The following ARAP2 variants were observed in gnomAD, a reference collection of about 807,000 sequenced individuals.
The protein encoded by ARAP2 is arf-GAP with Rho-GAP domain, ANK repeat and PH domain-containing protein 2.
In ARAP2, 148 loss-of-function variants were observed where a neutral mutation model predicts 194.5. The ratio of observed to expected loss-of-function variants is 0.76; its 90% confidence interval spans 0.67 to 0.87. The LOEUF (loss-of-function observed/expected upper bound fraction) is 0.87. Ranked by LOEUF, ARAP2 falls within the 40% of genes least tolerant of loss-of-function variation. The probability of loss-of-function intolerance (pLI) is 0.00; values close to 1 mark genes in which losing one functional copy is unlikely to be tolerated. For synonymous variants in ARAP2, 695 were observed against 683.5 expected (o/e 1.02, Z -0.26); for missense variants, 2,128 against 1,989.7 (o/e 1.07, Z -1.32).
chr4:36,114,675 C>T (rs1437909419), intron 25 of ARAP2, among the ~76,000 whole-genome samples: 1 of 151,898 alleles, frequency 6.6e-6, no homozygotes, highest in African/African-American at 2.4e-5. Context: ...GTTTATTCAG[C>T]CTAGATTCTA....
intron 28 of ARAP2, among the ~76,000 whole-genome samples, chr4:36,089,145 C>T (rs75480986): frequency 0.071 from 10,770 of 152,086 alleles, 451 homozygotes; most frequent in East Asian, 0.12. Context: ...ACTCTGTCCC[C>T]AACCTAAGCA....
At chr4:36,060,568 C>T (rs1410404121) in intron 1 of ARAP2, among the ~76,000 whole-genome samples, 1 of 152,048 alleles carries the variant, frequency 6.6e-6, no homozygotes, top group African/African-American at 2.4e-5. Context: ...CATCATATAT[C>T]AATATTAACA....
intron 5 of ARAP2, among the ~76,000 whole-genome samples, chr4:36,043,808 GGGAAGGGAAGGGA>G (rs2109232649): frequency 3.9e-5 from 1 of 25,828 alleles, no homozygotes; most frequent in East Asian, 1.5e-3. Flanking sequence ...GGGAAGGGAA[GGGAAGGGAAGGGA>G]AGGGAAGGGG....
chr4:36,123,424 C>T (rs1467076147), intron 22 of ARAP2, among the ~76,000 whole-genome samples: 1 of 151,766 alleles, frequency 6.6e-6, no homozygotes, highest in Non-Finnish European at 1.5e-5. Context: ...CTTGGGACTT[C>T]CTTCTGCAGT....
intron 2 of ARAP2, among the ~76,000 whole-genome samples, chr4:36,221,047 C>G (rs1215760175): frequency 6.6e-6 from 1 of 152,028 alleles, no homozygotes; most frequent in African/African-American, 2.4e-5. Flanking sequence ...TATATTTACA[C>G]CATATTTTTA....
At chr4:36,012,343 C>T (rs1714721995) in intron 9 of ARAP2, among the ~76,000 whole-genome samples, 1 of 152,134 alleles carries the variant, frequency 6.6e-6, no homozygotes, top group South Asian at 2.1e-4. Flanking sequence ...CCTTGATTAA[C>T]ATGTTTTCTT....
intron 2 of ARAP2, among the ~76,000 whole-genome samples, chr4:36,219,696 A>G (rs1748738733): frequency 6.6e-6 from 1 of 152,190 alleles, no homozygotes; most frequent in East Asian, 1.9e-4. Flanking sequence ...ATGTATATAT[A>G]TGTATACACA....
chr4:36,126,225 A>G (rs925262501), intron 21 of ARAP2, among the ~76,000 whole-genome samples: 3 of 151,992 alleles, frequency 2.0e-5, no homozygotes, highest in African/African-American at 2.4e-5. Context: ...TAATGCAAAC[A>G]TTTATCCTCG....
chr4:36,240,599 C>A (rs150084166), intron 1 of ARAP2, among the ~76,000 whole-genome samples: 1 of 152,072 alleles, frequency 6.6e-6, no homozygotes, highest in Non-Finnish European at 1.5e-5. Flanking sequence ...GCCTACCTCA[C>A]GGGGATATTT....
chr4:36,175,279 T>C (rs752865601), intron 9 of ARAP2, among the ~76,000 whole-genome samples: 30 of 152,204 alleles, frequency 2.0e-4, no homozygotes, highest in Admixed American at 3.9e-4. Context: ...CTTACTATTG[T>C]TTAGTGCTTT....
At chr4:36,235,930 G>A (rs187760715) in intron 1 of ARAP2, among the ~76,000 whole-genome samples, 75 of 152,136 alleles carry the variant, frequency 4.9e-4, no homozygotes, top group African/African-American at 1.7e-3. Flanking sequence ...TAATTGCAGC[G>A]CTTTGGGAGG....
intron 7 of ARAP2, among the ~76,000 whole-genome samples, chr4:36,189,695 T>C (rs1241761510): frequency 6.6e-6 from 1 of 152,220 alleles, no homozygotes; most frequent in Non-Finnish European, 1.5e-5. Flanking sequence ...TTTCACTTAA[T>C]ATAATGTCCT....
rs190649143 is a variant in ARAP2 at position 36,199,969 on chromosome 4, T to A, written c.1488-6322A>T. Among the ~76,000 whole-genome samples the A allele has an allele frequency of 1.1e-4, 16 of 152,256 alleles. No individual in the cohort carries two copies. In the East Asian group the frequency reaches 2.9e-3, roughly 28 times the overall value. On this transcript the variant is annotated intron_variant, in intron 6 of 32. Transcript: ENST00000303965. Reference sequence around the variant, plus strand: ...CTTAAACACATATAATCTTTGAAAATCACATCTCAATAAAGCTGGAAACAA... The same window carrying A: ...CTTAAACACATATAATCTTTGAAAAACACATCTCAATAAAGCTGGAAACAA...
chr4:36,210,687 A>G lies in ARAP2; in HGVS notation c.1190T>C (p.Ile397Thr). The change falls in exon 6 of 33, where the codon ATA becomes ACA. Residue 397 changes from isoleucine (I) to threonine (T), a missense_variant. Ile to Thr is a moderately conservative substitution (Grantham distance 89). Transcript: ENST00000303965. Reference sequence around the variant, plus strand: ...AAAATTGTTTTTGTCCTCTCGAGGTATCCAAATATCTTCCACCTTGTCCTC... The same window carrying G: ...AAAATTGTTTTTGTCCTCTCGAGGTGTCCAAATATCTTCCACCTTGTCCTC... ...ISEDKVEDIW[I>T]PREDKNNFLI... The G allele has an allele frequency of 6.2e-7, 1 of 1,612,490 alleles. No individual in the cohort carries two copies. The highest frequency in any genetic ancestry group is 2.2e-5 in the East Asian group (1 of 44,872).
chr4:36,186,924 A>G (rs980756095), intron 8 of ARAP2, among the ~76,000 whole-genome samples: 7 of 152,242 alleles, frequency 4.6e-5, no homozygotes, highest in Non-Finnish European at 1.0e-4. Context: ...CAATGTAATA[A>G]TAACAGAACT....
intron 32 of ARAP2, among the ~76,000 whole-genome samples, chr4:36,073,406 A>AT (rs1381883655): frequency 6.6e-6 from 1 of 152,134 alleles, no homozygotes; most frequent in African/African-American, 2.4e-5. Context: ...TGAAGTTGTG[A>AT]TTTTACCACC....
chr4:36,217,247 C>T (rs1371061694), intron 2 of ARAP2, among the ~76,000 whole-genome samples: 1 of 152,200 alleles, frequency 6.6e-6, no homozygotes. Context: ...CATGGTGGCT[C>T]ACACCTGTAA....
chr4:36,243,868 T>G (rs993253138), intron 1 of ARAP2: 5 of 152,220 alleles, frequency 3.3e-5, no homozygotes, highest in African/African-American at 1.2e-4. Flanking sequence ...TGCCTGAAAC[T>G]CACTACAGCT....
At chr4:36,092,755 C>T (rs1046444200) in intron 27 of ARAP2, among the ~76,000 whole-genome samples, 2 of 152,072 alleles carry the variant, frequency 1.3e-5, no homozygotes, top group African/African-American at 4.8e-5. Context: ...AATGTGGCTA[C>T]TATACAATTT....
Sources: allele counts gnomAD v4.1 joint callset (sites outside exome capture counted in the v4.1 genomes callset), GRCh38; gene constraint gnomAD v4.1.1; transcripts MANE v1.5; gene names NCBI Gene and HGNC (gene_info 2026-07-23, HGNC 2026-07-21).